The following SNX29 variants were observed in gnomAD, a reference collection of about 807,000 sequenced individuals.
SNX29 encodes sorting nexin 29.
A neutral mutation model predicts 102.1 loss-of-function variants in SNX29; 78 were observed. That is an observed-to-expected ratio of 0.76 (90% CI 0.64 to 0.92). The LOEUF (loss-of-function observed/expected upper bound fraction) is 0.92. Ranked by LOEUF, SNX29 falls within the 40% of genes least tolerant of loss-of-function variation. The probability of loss-of-function intolerance (pLI) is 0.00; values close to 1 mark genes in which losing one functional copy is unlikely to be tolerated. For missense variants in SNX29, 1,280 were observed against 1,061.7 expected, an observed-to-expected ratio of 1.21 and a Z score of -2.86; for synonymous variants, 580 against 414.5, an observed-to-expected ratio of 1.40 and a Z score of -4.85.
rs888846949 is a variant in SNX29, at chr16:12,570,500, G to C, written c.*1871G>C. The C allele has an allele frequency of 4.3e-6, 1 of 232,974 alleles. No individual in the cohort carries two copies. The highest frequency in any genetic ancestry group is 8.5e-6 in the Non-Finnish European group (1 of 118,102). 14.4% of individuals were successfully genotyped at this position (232,974 alleles called of 1,614,324 possible). A position where few individuals can be genotyped will look rare whatever the true frequency, so the allele number is the denominator to read the frequency against. ...ATCTGCTGTATGTCATGACCCCTTA[G>C]GTTGGGTTTATGCCACATCGGTCAT... On this transcript the variant is annotated 3_prime_UTR_variant, in exon 21 of 21. Coordinates refer to ENST00000566228, the MANE Select transcript of SNX29 (RefSeq NM_032167.5).
In SNX29 at chr16:12,444,104, G is replaced by A. The variant is rs531454515; in HGVS notation, c.2038-33615G>A. On this transcript the variant is annotated intron_variant, in intron 18 of 20. Transcript: ENST00000566228. ...TACTAAGCACTCAGTATAGCACCTA[G>A]CACGTAGTAAGCACTCAGTATAGCA... 6.6e-4 allele frequency among the ~76,000 whole-genome samples: 100 copies of A among 151,640 alleles called. 2 individuals are homozygous for A. Among genetic ancestry groups the A allele is most frequent in the Non-Finnish European group, 9.1e-4 (62 of 67,958 alleles).
intron 13 of SNX29, among the ~76,000 whole-genome samples, chr16:12,150,612 A>G (rs58198539): frequency 0.18 from 28,071 of 152,236 alleles, 2,962 homozygotes; most frequent in Middle Eastern, 0.24. Context: ...GTGACCAGGA[A>G]CAGCGTCTAA....
intron 14 of SNX29, among the ~76,000 whole-genome samples, chr16:12,276,736 T>C (rs913226456): frequency 6.6e-6 from 1 of 152,252 alleles, no homozygotes; most frequent in Non-Finnish European, 1.5e-5. Context: ...TCTTGTTTTC[T>C]GCTTTTCTTG....
At chr16:12,452,367 A>AAAACGAAGACTTATCGAGCCC (rs1243995381) in intron 18 of SNX29, among the ~76,000 whole-genome samples, 1 of 152,276 alleles carries the variant, frequency 6.6e-6, no homozygotes, top group Non-Finnish European at 1.5e-5. Flanking sequence ...CAGCTCCCAT[A>AAAACGAAGACTTATCGAGCCC]CAAGACTGTG....
At chr16:12,247,310 C>A (rs1352053060) in intron 14 of SNX29, among the ~76,000 whole-genome samples, 1 of 152,142 alleles carries the variant, frequency 6.6e-6, no homozygotes, top group African/African-American at 2.4e-5. Context: ...GACCAGGAGT[C>A]CATGGCTTGC....
At chr16:11,988,674 A>G (rs929045879) in intron 1 of SNX29, among the ~76,000 whole-genome samples, 1 of 152,076 alleles carries the variant, frequency 6.6e-6, no homozygotes, top group Non-Finnish European at 1.5e-5. Context: ...TGCCAAGACT[A>G]CGGGTGTGAG....
intron 20 of SNX29, among the ~76,000 whole-genome samples, chr16:12,566,728 G>C (rs1272564126): frequency 6.6e-6 from 1 of 152,144 alleles, no homozygotes; most frequent in African/African-American, 2.4e-5. Flanking sequence ...AGAGGATCAT[G>C]TTTGCTTTGG....
chr16:12,192,014 G>A (rs1217148249), intron 13 of SNX29, among the ~76,000 whole-genome samples: 3 of 152,288 alleles, frequency 2.0e-5, no homozygotes, highest in South Asian at 4.1e-4. Context: ...GTATCTTAGT[G>A]TGGTGTTTTG....
chr16:12,358,185 A>G (rs552133824), intron 16 of SNX29, among the ~76,000 whole-genome samples: 1 of 118,614 alleles, frequency 8.4e-6, no homozygotes, highest in African/African-American at 2.8e-5. Context: ...AAAAGCACCT[A>G]TTTATTAACC....
chr16:12,553,772 C>G (rs535079263), intron 20 of SNX29, among the ~76,000 whole-genome samples: 8 of 152,042 alleles, frequency 5.3e-5, no homozygotes, highest in African/African-American at 1.9e-4. Flanking sequence ...TCCTTAAGTA[C>G]AGACAGGGTT....
intron 14 of SNX29, among the ~76,000 whole-genome samples, chr16:12,201,304 CTG>C (rs1567305498): frequency 6.6e-6 from 1 of 152,182 alleles, no homozygotes; most frequent in Non-Finnish European, 1.5e-5. Context: ...CATCTCATCT[CTG>C]TTTCTCCAGC....
At chr16:12,103,201 C>G (rs2053091884) in intron 11 of SNX29, among the ~76,000 whole-genome samples, 1 of 152,140 alleles carries the variant, frequency 6.6e-6, no homozygotes, top group African/African-American at 2.4e-5. Flanking sequence ...TAGAAAAAAA[C>G]TGCTTTAAAT....
chr16:12,568,919 G>A lies in SNX29; in HGVS notation c.*290G>A, dbSNP rs1075843. ...GCAAGGGCTGTTCCTCCACCTTTCTGTAGTTCAGGGCTGGCAGGAGGGTGG... is the reference window on the plus strand; with the variant it reads ...GCAAGGGCTGTTCCTCCACCTTTCTATAGTTCAGGGCTGGCAGGAGGGTGG... On this transcript the variant is annotated 3_prime_UTR_variant, in exon 21 of 21. Coordinates refer to ENST00000566228, the MANE Select transcript of SNX29 (RefSeq NM_032167.5). 109,287 of 439,516 alleles carry A rather than the reference G, an allele frequency of 0.25. 14,426 individuals are homozygous for A. Among genetic ancestry groups the A allele is most frequent in the East Asian group, 0.43 (10,555 of 24,476 alleles). 27.2% of individuals were successfully genotyped at this position (439,516 alleles called of 1,614,324 possible). A position where few individuals can be genotyped will look rare whatever the true frequency, so the allele number is the denominator to read the frequency against.
intron 11 of SNX29, among the ~76,000 whole-genome samples, chr16:12,112,068 G>A (rs1284036377): frequency 6.6e-6 from 1 of 152,232 alleles, no homozygotes; most frequent in African/African-American, 2.4e-5. Context: ...GGTTTGCAAA[G>A]GTCCAAAGCT....
chr16:12,177,572 A>G (rs190373677), intron 13 of SNX29, among the ~76,000 whole-genome samples: 56 of 152,338 alleles, frequency 3.7e-4, no homozygotes, highest in Admixed American at 2.0e-3. Context: ...GCTTGTCTCA[A>G]TGCCTGGTAT....
intron 18 of SNX29, among the ~76,000 whole-genome samples, chr16:12,419,543 C>CT (rs954746512): frequency 6.8e-6 from 1 of 147,516 alleles, no homozygotes; most frequent in Admixed American, 6.9e-5. Context: ...ATTTTAGGGG[C>CT]TTAGTGTCAT....
chr16:12,268,305 G>T (rs1318718115), intron 14 of SNX29, among the ~76,000 whole-genome samples: 3 of 152,284 alleles, frequency 2.0e-5, no homozygotes, highest in Admixed American at 2.0e-4. Context: ...TCTAGTGCCT[G>T]GTACCTGGCA....
In SNX29 at chr16:12,538,169, G is replaced by A. The variant is rs192345774; in HGVS notation, c.2318+13328G>A. On this transcript the variant is annotated intron_variant, in intron 20 of 20. Coordinates refer to ENST00000566228, the MANE Select transcript of SNX29 (RefSeq NM_032167.5). Reference sequence around the variant, plus strand: ...CTCACTCTGTCACCCAGAATAGAGTGCAGTGGTGTGATCTAGGCTCACCGC... The same window carrying A: ...CTCACTCTGTCACCCAGAATAGAGTACAGTGGTGTGATCTAGGCTCACCGC... Among the ~76,000 whole-genome samples the A allele has an allele frequency of 4.9e-4, 74 of 152,242 alleles. 1 individual carries two copies. In the East Asian group the frequency reaches 0.014, roughly 28 times the overall value.
At chr16:12,376,104 C>G (rs2082865221) in intron 16 of SNX29, 1 of 148,560 alleles carries the variant, frequency 6.7e-6, no homozygotes, top group Middle Eastern at 3.4e-3. Flanking sequence ...TTCATTAGGA[C>G]AGAGGCAAGT....
Sources: allele counts gnomAD v4.1 joint callset (sites outside exome capture counted in the v4.1 genomes callset), GRCh38; gene constraint gnomAD v4.1.1; transcripts MANE v1.5; gene names NCBI Gene and HGNC (gene_info 2026-07-23, HGNC 2026-07-21).